The following PDE1C variants were observed in gnomAD, a reference collection of about 807,000 sequenced individuals.
PDE1C encodes the protein phosphodiesterase 1C.
Under a neutral mutation model 93.1 loss-of-function variants are expected in PDE1C, and 62 were observed. The observed-to-expected ratio is 0.67, with a 90% confidence interval of 0.54 to 0.82. PDE1C has a LOEUF of 0.82. Ranked by LOEUF, PDE1C falls within the 40% of genes least tolerant of loss-of-function variation. The pLI is 0.00. For synonymous variants in PDE1C, 325 were observed against 310.1 expected, an observed-to-expected ratio of 1.05 and a Z score of -0.50; for missense variants, 742 against 884.6, an observed-to-expected ratio of 0.84 and a Z score of 2.04.
chr7:32,374,301 A>AAGAAAGAG (rs1392901712), intron 1 of PDE1C, among the ~76,000 whole-genome samples: 1 of 149,446 alleles, frequency 6.7e-6, no homozygotes, highest in Non-Finnish European at 1.5e-5. Flanking sequence ...GAAAGAAAGA[A>AAGAAAGAG]AGAAAGAAGA....
the PDE1C span, chr7:31,651,419 T>A: frequency 1.1e-6 from 1 of 922,116 alleles, no homozygotes; most frequent in Non-Finnish European, 1.5e-6. Flanking sequence ...TGTTCTTGCT[T>A]TCTCAGTGGG....
chr7:32,411,665 A>G (rs1325560833), intron 1 of PDE1C, among the ~76,000 whole-genome samples: 2 of 152,202 alleles, frequency 1.3e-5, no homozygotes, highest in Non-Finnish European at 2.9e-5. Flanking sequence ...CTGTACACTT[A>G]GGCGACACTA....
intron 2 of PDE1C, among the ~76,000 whole-genome samples, chr7:31,966,715 C>CA (rs1810032366): frequency 6.6e-6 from 1 of 152,178 alleles, no homozygotes; most frequent in South Asian, 2.1e-4. Context: ...GGAAGTAAAG[C>CA]ACTCCTCAGC....
chr7:32,331,428 A>G (rs528601416), intron 1 of PDE1C, among the ~76,000 whole-genome samples: 1 of 152,364 alleles, frequency 6.6e-6, no homozygotes, highest in East Asian at 1.9e-4. Flanking sequence ...ACATGTCATT[A>G]CAAATTGCGA....
At chr7:32,288,529 TG>T (rs796844736) in intron 1 of PDE1C, among the ~76,000 whole-genome samples, 99 of 152,334 alleles carry the variant, frequency 6.5e-4, no homozygotes, top group African/African-American at 2.2e-3. Flanking sequence ...TGCATCCTGT[TG>T]GAAAACTGGG....
At chr7:32,407,412 TGAG>T (rs757343804) in intron 1 of PDE1C, among the ~76,000 whole-genome samples, 3 of 152,176 alleles carry the variant, frequency 2.0e-5, no homozygotes, top group Non-Finnish European at 4.4e-5. Flanking sequence ...ATAACTTGGA[TGAG>T]AAGAAGAAGC....
intron 1 of PDE1C, among the ~76,000 whole-genome samples, chr7:32,264,025 C>T (rs987408652): frequency 6.6e-6 from 1 of 152,072 alleles, no homozygotes; most frequent in African/African-American, 2.4e-5. Context: ...AAATATCCTA[C>T]CCTTCATGAA....
chr7:31,728,209 G>A, the PDE1C span, among the ~76,000 whole-genome samples: 1 of 152,160 alleles, frequency 6.6e-6, no homozygotes, highest in Non-Finnish European at 1.5e-5. Context: ...TGCGGACAAG[G>A]ATCCTTCCTA....
the PDE1C span, among the ~76,000 whole-genome samples, chr7:31,672,365 T>G: frequency 6.6e-6 from 1 of 152,146 alleles, no homozygotes; most frequent in Non-Finnish European, 1.5e-5. Flanking sequence ...TATAGATAAC[T>G]TCTCCTGTTA....
At chr7:32,204,811 G>T (rs182016329) in intron 2 of PDE1C, among the ~76,000 whole-genome samples, 2 of 152,218 alleles carry the variant, frequency 1.3e-5, no homozygotes, top group East Asian at 1.9e-4. Context: ...TGGCTGAAGC[G>T]TCCCCGTTCT....
At chr7:32,420,390 T>C (rs797013241) in intron 1 of PDE1C, among the ~76,000 whole-genome samples, 3,928 of 46,446 alleles carry the variant, frequency 0.085, 1,426 homozygotes, top group African/African-American at 0.12. Flanking sequence ...TATATATATA[T>C]ATACACACAC....
the PDE1C span, chr7:31,652,592 C>G: frequency 6.2e-7 from 1 of 1,612,734 alleles, no homozygotes; most frequent in South Asian, 1.1e-5. Flanking sequence ...TAGAAGAAAG[C>G]AATGGGCAGA....
chr7:31,951,934 T>C (rs1489385203), intron 2 of PDE1C, among the ~76,000 whole-genome samples: 1 of 152,204 alleles, frequency 6.6e-6, no homozygotes, highest in African/African-American at 2.4e-5. Context: ...ACCACTGTTA[T>C]GAATTCCATA....
chr7:31,652,826 C>T, the PDE1C span: 1 of 1,611,180 alleles, frequency 6.2e-7, no homozygotes, highest in Non-Finnish European at 8.5e-7. Context: ...ATGTCTTCCT[C>T]TAGATCAGAG....
At chr7:32,396,563 A>G (rs2128094237) in intron 1 of PDE1C, among the ~76,000 whole-genome samples, 1 of 152,256 alleles carries the variant, frequency 6.6e-6, no homozygotes. Context: ...TTTCTTTGAA[A>G]TGCATGAAAA....
At chr7:31,988,653 T>C (rs888682685) in intron 2 of PDE1C, among the ~76,000 whole-genome samples, 1 of 151,712 alleles carries the variant, frequency 6.6e-6, no homozygotes, top group Non-Finnish European at 1.5e-5. Context: ...AGCCCAGGAG[T>C]TCCAGTTCAG....
chr7:31,828,315 G>A lies in PDE1C; in HGVS notation c.1262C>T (p.Thr421Ile). The change falls in exon 12 of 18, where the codon ACT becomes ATT. Residue 421 changes from threonine to isoleucine, a missense_variant. Physicochemically the swap from Thr to Ile is moderately conservative, Grantham distance 89. Coordinates refer to ENST00000396191, the MANE Select transcript of PDE1C (RefSeq NM_001191057.4). The part of the protein sequence containing the change: ...PFSPLCDRKS[T>I]MVAQSQVGFI... ...ACCTACTTGTGACTGAGCAACCATA[G>A]TGGACTTTCGGTCACACAGAGGAGA... 1 of 1,612,590 alleles carries A rather than the reference G, an allele frequency of 6.2e-7. No homozygotes were observed. The highest frequency in any genetic ancestry group is 8.5e-7 in the Non-Finnish European group (1 of 1,178,928).
the PDE1C span, among the ~76,000 whole-genome samples, chr7:31,682,442 C>T: frequency 1.3e-5 from 2 of 152,116 alleles, no homozygotes; most frequent in African/African-American, 4.8e-5. Context: ...TCACACCTAT[C>T]AAAATGGGTA....
At chr7:32,012,905 C>T (rs1787346140) in intron 2 of PDE1C, among the ~76,000 whole-genome samples, 7 of 152,146 alleles carry the variant, frequency 4.6e-5, no homozygotes, top group African/African-American at 2.4e-5. Flanking sequence ...TCATTCATAA[C>T]ATACATTTCA....
Sources: allele counts gnomAD v4.1 joint callset (sites outside exome capture counted in the v4.1 genomes callset), GRCh38; gene constraint gnomAD v4.1.1; transcripts MANE v1.5; gene names NCBI Gene and HGNC (gene_info 2026-07-23, HGNC 2026-07-21).